RYR1: variants seen among roughly 807,000 people sequenced by gnomAD.
RYR1 encodes the protein ryanodine receptor 1, also known as central core disease of muscle.
RYR1 carries 342 observed loss-of-function variants against 583.5 expected under a neutral mutation model. That is an observed-to-expected ratio of 0.59 (90% CI 0.54 to 0.64). The LOEUF (loss-of-function observed/expected upper bound fraction) is 0.64. Ranked by LOEUF, RYR1 falls within the 30% of genes least tolerant of loss-of-function variation. The probability of loss-of-function intolerance (pLI) is 0.00; values close to 1 mark genes in which losing one functional copy is unlikely to be tolerated. For synonymous variants in RYR1, 2,791 were observed against 2,822.5 expected (o/e 0.99, Z 0.35); for missense variants, 6,032 against 6,917.2 (o/e 0.87, Z 4.54).
chr19:38,585,161 A>G, intron 102 of RYR1, 62 bp downstream of exon 102: 1 of 1,582,080 alleles, frequency 6.3e-7, no homozygotes, highest in Non-Finnish European at 8.6e-7. Flanking sequence ...CTAAGAATGC[A>G]GGCCCAGGAT....
chr19:38,454,762 A>G (rs8104269), intron 13 of RYR1, among the ~76,000 whole-genome samples: 86,649 of 150,612 alleles, frequency 0.58, 25,725 homozygotes, highest in Admixed American at 0.66. Flanking sequence ...ATGATTCACA[A>G]TGAAATAAGA....
chr19:38,504,640 T>C, intron 50 of RYR1, 108 bp from the exon 51 acceptor site: 4 of 1,452,794 alleles, frequency 2.8e-6, no homozygotes, highest in Non-Finnish European at 3.8e-6. Flanking sequence ...TAATTCAGGT[T>C]TGGGGTTCAG....
At chr19:38,532,835 G>A (rs1600951014) in intron 78 of RYR1, 99 bp downstream of exon 78, 2 of 1,259,216 alleles carry the variant, frequency 1.6e-6, no homozygotes, top group Non-Finnish European at 2.3e-6. Context: ...AAAGCTCTGG[G>A]GACACAGCAG....
In RYR1 at chr19:38,455,126, A is replaced by G; in HGVS notation, c.1441-109A>G. The G allele has an allele frequency of 3.1e-6, 4 of 1,311,358 alleles. No individual in the cohort carries two copies. In the South Asian group the frequency reaches 4.7e-5, roughly 16 times the overall value. 81.2% of individuals were successfully genotyped at this position (1,311,358 alleles called of 1,614,324 possible). A position where few individuals can be genotyped will look rare whatever the true frequency, so the allele number is the denominator to read the frequency against. On this transcript the variant is annotated intron_variant, in intron 13 of 105. Coordinates refer to ENST00000359596, the MANE Select transcript of RYR1 (RefSeq NM_000540.3). ...CAAAGGGGCTGATTTAGATCTGGGA[A>G]CACACCGTCACTAGTTGTTGAAGGA...
intron 33 of RYR1, among the ~76,000 whole-genome samples, chr19:38,484,364 T>C (rs60125132): frequency 0.17 from 25,287 of 148,854 alleles, 2,604 homozygotes; most frequent in African/African-American, 0.29. Context: ...TCTTTCTTTC[T>C]TTCCTTCCTT....
intron 33 of RYR1, among the ~76,000 whole-genome samples, chr19:38,484,233 A>G (rs1289251523): frequency 2.0e-5 from 3 of 152,106 alleles, no homozygotes; most frequent in Non-Finnish European, 4.4e-5. Flanking sequence ...CGGAGGTTGC[A>G]TTGAGCTAGG....
chr19:38,538,409 C>A, intron 84 of RYR1: 1 of 172,908 alleles, frequency 5.8e-6, no homozygotes, highest in South Asian at 1.3e-4. Context: ...CAAAAAAAAA[C>A]CTCGCTGGAA....
intron 29 of RYR1, among the ~76,000 whole-genome samples, chr19:38,477,384 C>G (rs1359633368): frequency 1.3e-5 from 2 of 152,142 alleles, no homozygotes; most frequent in East Asian, 3.9e-4. Flanking sequence ...CTCAGGTGAT[C>G]CACCTTCCTC....
At position 38,473,768 on chromosome 19, in the gene RYR1, G is replaced by A. The variant is rs1420934760; in HGVS notation, c.4157G>A (p.Arg1386Lys). The A allele has an allele frequency of 6.6e-7, 1 of 1,525,732 alleles. No homozygotes were observed. The allele number at this position is 1,525,732 out of a possible 1,614,324, so 94.5% of individuals were successfully genotyped here. A position where few individuals can be genotyped will look rare whatever the true frequency, so the allele number is the denominator to read the frequency against. ...GCCACCACCGAGAAGAACAAGAAGAGAGGGTGAGTCGAGGGGGGCCCAGAG... is the reference window on the plus strand; with the variant it reads ...GCCACCACCGAGAAGAACAAGAAGAAAGGGTGAGTCGAGGGGGGCCCAGAG... ...KDATTEKNKK[R>K]GFLFKAKKVA... The change falls in exon 28 of 106, where the codon AGA becomes AAA. Residue 1386 changes from arginine to lysine, a missense_variant. Coordinates refer to ENST00000359596, the MANE Select transcript of RYR1 (RefSeq NM_000540.3).
At chr19:38,433,905 G>T (rs1477740568) in intron 1 of RYR1, 31 bp downstream of exon 1, 2 of 1,599,580 alleles carry the variant, frequency 1.3e-6, no homozygotes, top group African/African-American at 1.3e-5. Context: ...GGCCTGTGGG[G>T]CTATCTCTTG....
At chr19:38,573,102 T>C (rs1973796753) in intron 95 of RYR1, 75 bp from the exon 96 acceptor site, 1 of 1,603,030 alleles carries the variant, frequency 6.2e-7, no homozygotes, top group Non-Finnish European at 8.5e-7. Context: ...CCCAGCAAGA[T>C]GTCATGGCTT....
At chr19:38,447,509 C>A (rs1973003386) in intron 9 of RYR1, among the ~76,000 whole-genome samples, 1 of 151,710 alleles carries the variant, frequency 6.6e-6, no homozygotes, top group Non-Finnish European at 1.5e-5. Flanking sequence ...CCATTGCATT[C>A]CAGCCTGGGC....
intron 20 of RYR1, among the ~76,000 whole-genome samples, chr19:38,462,891 CTTTTTTTTT>C (rs553168266): frequency 5.1e-5 from 4 of 78,764 alleles, no homozygotes; most frequent in Non-Finnish European, 9.2e-5. Flanking sequence ...ACTCTCTCTT[CTTTTTTTTT>C]TTTTTTTTTT....
At chr19:38,490,557 T>C (rs1181224210) in intron 36 of RYR1, 64 bp from the exon 37 acceptor site, 1 of 1,071,032 alleles carries the variant, frequency 9.3e-7, no homozygotes, top group Non-Finnish European at 1.4e-6. Flanking sequence ...ATCTTCTATC[T>C]CTGATCTCAG....
At chr19:38,517,858 G>C (rs892052) in intron 66 of RYR1, among the ~76,000 whole-genome samples, 167 bp downstream of exon 66, 1 of 152,020 alleles carries the variant, frequency 6.6e-6, no homozygotes, top group South Asian at 2.1e-4. Context: ...GTGGCTCACA[G>C]CTGTAACACC....
At chr19:38,569,728 C>G (rs1452266446) in intron 93 of RYR1, among the ~76,000 whole-genome samples, 1 of 152,158 alleles carries the variant, frequency 6.6e-6, no homozygotes, top group African/African-American at 2.4e-5. Flanking sequence ...GAGCAAGACA[C>G]CACTTCCCTG....
rs746617954 is a variant in RYR1 at position 38,473,391 on chromosome 19, C to G, written c.3780C>G (p.Asp1260Glu). 1 of 1,613,790 alleles carries G rather than the reference C, an allele frequency of 6.2e-7. No individual in the cohort carries two copies. The highest frequency in any genetic ancestry group is 8.5e-7 in the Non-Finnish European group (1 of 1,179,966). Reference protein sequence around the residue: ...EHPHYEVSRVDGTVDTPPCLR... With the variant: ...EHPHYEVSRVEGTVDTPPCLR... ...TGCCACCTCAGGTATCCCGAGTGGA[C>G]GGCACTGTGGACACGCCCCCCTGCC... Residue 1260 changes from aspartate (D) to glutamate (E), a missense_variant, in exon 28 of 106, where the codon GAC (aspartate) becomes GAG (glutamate). By Grantham distance (45) the Asp-to-Glu change is conservative. Coordinates refer to ENST00000359596, the MANE Select transcript of RYR1 (RefSeq NM_000540.3).
At chr19:38,495,448 C>T (rs569735945) in intron 39 of RYR1, among the ~76,000 whole-genome samples, 7 of 152,204 alleles carry the variant, frequency 4.6e-5, no homozygotes, top group East Asian at 3.9e-4. Flanking sequence ...TGGGCTCAAG[C>T]GATCCTCCTG....
chr19:38,551,070 G>A lies in RYR1; in HGVS notation c.12282+2650G>A, dbSNP rs527928508. Among the ~76,000 whole-genome samples, 403 of 44,108 alleles carry A rather than the reference G, an allele frequency of 9.1e-3. 2 individuals are homozygous for A. The highest frequency in any genetic ancestry group is 0.029 in the African/African-American group (374 of 12,722). The allele number at this position is 44,108 out of a possible 152,430, so 28.9% of individuals were successfully genotyped here. On this transcript the variant is annotated intron_variant, in intron 89 of 105. Coordinates refer to ENST00000359596, the MANE Select transcript of RYR1 (RefSeq NM_000540.3). ...TTTTTTTTTTTTTTTTTTTTGAGAC[G>A]GAGTTTTGCTCTTGTTGCCCAGGCT...
Sources: gnomAD v4.1 joint callset for allele counts (sites outside exome capture counted in the v4.1 genomes callset) on GRCh38, gnomAD v4.1.1 for gene constraint, MANE v1.5 for transcripts, NCBI Gene and HGNC (gene_info 2026-07-23, HGNC 2026-07-21) for gene names.